WIPF3: variants seen among roughly 807,000 people sequenced by gnomAD.
The protein encoded by WIPF3 is WAS/WASL interacting protein family member 3.
In WIPF3, 33 loss-of-function variants were observed where a neutral mutation model predicts 38.9. The ratio of observed to expected loss-of-function variants is 0.85; its 90% CI spans 0.64 to 1.14. The LOEUF is 1.14. Ranked by LOEUF, WIPF3 falls within the 50% of genes most tolerant of loss-of-function variation. The pLI is 0.00. For missense variants in WIPF3, 711 were observed against 652.5 expected (o/e 1.09, Z -0.98); for synonymous variants, 324 against 269.3 (o/e 1.20, Z -1.99).
At chr7:29,875,742 A>C in intron 2 of WIPF3, 88 bp from the exon 3 acceptor site, 1 of 1,541,526 alleles carries the variant, frequency 6.5e-7, no homozygotes, top group Non-Finnish European at 8.9e-7. Flanking sequence ...GAAGACAGAG[A>C]ACTGCAAGAG....
chr7:29,889,429 C>T, intron 7 of WIPF3, 22 bp downstream of exon 7: 2 of 1,580,700 alleles, frequency 1.3e-6, no homozygotes, highest in Admixed American at 3.3e-5. Flanking sequence ...CTTGATAAGA[C>T]TCCTGGCATC....
chr7:29,841,324 GCTC>G (rs1384623585), intron 2 of WIPF3, among the ~76,000 whole-genome samples: 1 of 152,070 alleles, frequency 6.6e-6, no homozygotes, highest in Non-Finnish European at 1.5e-5. Context: ...ACCCCTTCTT[GCTC>G]CTCCTCATCT....
chr7:29,856,749 T>C (rs918312592), intron 2 of WIPF3, among the ~76,000 whole-genome samples: 1 of 152,204 alleles, frequency 6.6e-6, no homozygotes, highest in Non-Finnish European at 1.5e-5. Context: ...TGGCTCGTCA[T>C]TGAAAATGGG....
rs1333837038 is a variant in WIPF3 at position 29,889,404 on chromosome 7, A to G, written c.1348A>G (p.Arg450Gly). 1 of 1,613,228 alleles carries G rather than the reference A, an allele frequency of 6.2e-7. No individual in the cohort carries two copies. The highest frequency in any genetic ancestry group is 1.3e-5 in the African/African-American group (1 of 75,018). ...GAAGATTTACCCCAGCAAGATCCCCAGAAGTAAGTACCACCTTGATAAGAC... is the reference window on the plus strand; with the variant it reads ...GAAGATTTACCCCAGCAAGATCCCCGGAAGTAAGTACCACCTTGATAAGAC... The part of the protein sequence containing the change: ...CQKIYPSKIP[R>G]SRTPGPWLQA... Residue 450 changes from arginine (R) to glycine (G), a missense_variant, in exon 7 of 9, where the codon AGA becomes GGA. By Grantham distance (125) the Arg-to-Gly change is moderately radical (BLOSUM62 -2). Coordinates refer to ENST00000242140, the MANE Select transcript of WIPF3 (RefSeq NM_001080529.3).
intron 2 of WIPF3, among the ~76,000 whole-genome samples, chr7:29,836,485 A>C (rs983463153): frequency 2.0e-5 from 3 of 152,220 alleles, no homozygotes; most frequent in Non-Finnish European, 4.4e-5. Flanking sequence ...TATGTATCAT[A>C]GTTTTCCCCT....
chr7:29,829,234 A>G (rs1388774806), intron 1 of WIPF3, among the ~76,000 whole-genome samples: 3 of 123,900 alleles, frequency 2.4e-5, no homozygotes, highest in Non-Finnish European at 3.3e-5. Context: ...TTTTTTTGAG[A>G]CAGAGTCTTG....
chr7:29,810,132 G>A (rs1583586103), intron 1 of WIPF3, among the ~76,000 whole-genome samples: 2 of 152,290 alleles, frequency 1.3e-5, no homozygotes, highest in African/African-American at 4.8e-5. Flanking sequence ...CCGGGGCTAG[G>A]CTAAGAGCTT....
At chr7:29,876,695 C>T (rs1785604886) in intron 3 of WIPF3, among the ~76,000 whole-genome samples, 2 of 152,210 alleles carry the variant, frequency 1.3e-5, no homozygotes, top group Non-Finnish European at 2.9e-5. Flanking sequence ...GTGAAGGGCT[C>T]ACTTTGTAAA....
At chr7:29,872,325 G>A (rs1583612316) in intron 2 of WIPF3, among the ~76,000 whole-genome samples, 1 of 152,318 alleles carries the variant, frequency 6.6e-6, no homozygotes, top group East Asian at 1.9e-4. Flanking sequence ...AAATATTGCA[G>A]ATGAAGTGGA....
At chr7:29,824,082 A>G (rs1251136407) in intron 1 of WIPF3, among the ~76,000 whole-genome samples, 2 of 152,246 alleles carry the variant, frequency 1.3e-5, no homozygotes, top group African/African-American at 2.4e-5. Context: ...TATCCCAAAG[A>G]CATAGTCCCT....
chr7:29,868,028 A>C (rs1785422774), intron 2 of WIPF3, among the ~76,000 whole-genome samples: 1 of 152,240 alleles, frequency 6.6e-6, no homozygotes, highest in African/African-American at 2.4e-5. Flanking sequence ...TAGAAGCTAT[A>C]ATACTGGGCA....
chr7:29,839,528 C>T (rs1182613995), intron 2 of WIPF3, among the ~76,000 whole-genome samples: 1 of 152,172 alleles, frequency 6.6e-6, no homozygotes, highest in Non-Finnish European at 1.5e-5. Context: ...GCGCACAGAG[C>T]GTCACCCTGT....
chr7:29,829,946 C>T (rs1784690025), intron 1 of WIPF3, among the ~76,000 whole-genome samples: 1 of 152,208 alleles, frequency 6.6e-6, no homozygotes, highest in South Asian at 2.1e-4. Flanking sequence ...ATTTTAAATA[C>T]ACTTCAGAGC....
intron 2 of WIPF3, among the ~76,000 whole-genome samples, chr7:29,836,096 G>A (rs942226981): frequency 2.6e-5 from 4 of 152,202 alleles, no homozygotes; most frequent in Non-Finnish European, 5.9e-5. Flanking sequence ...TAGAAAGAAA[G>A]CACATAGTAT....
At chr7:29,832,162 G>A (rs571814641) in intron 1 of WIPF3, among the ~76,000 whole-genome samples, 1 of 152,258 alleles carries the variant, frequency 6.6e-6, no homozygotes, top group South Asian at 2.1e-4. Context: ...TTCTCGTTCT[G>A]TTAATACTTC....
At chr7:29,826,650 A>G (rs1419743196) in intron 1 of WIPF3, among the ~76,000 whole-genome samples, 1 of 152,152 alleles carries the variant, frequency 6.6e-6, no homozygotes. Context: ...TCTTAGTATT[A>G]CTTTCCATTA....
intron 2 of WIPF3, among the ~76,000 whole-genome samples, chr7:29,866,680 C>G (rs964696793): frequency 6.6e-6 from 1 of 152,268 alleles, no homozygotes; most frequent in South Asian, 2.1e-4. Context: ...CACTTAGCTC[C>G]TTTGGCCCCA....
At chr7:29,870,546 GC>G (rs1419829732) in intron 2 of WIPF3, among the ~76,000 whole-genome samples, 1 of 152,176 alleles carries the variant, frequency 6.6e-6, no homozygotes, top group Non-Finnish European at 1.5e-5. Context: ...AGATGTGACA[GC>G]TGCAGATAGT....
intron 2 of WIPF3, among the ~76,000 whole-genome samples, chr7:29,855,808 T>C (rs1267464402): frequency 7.2e-5 from 11 of 152,254 alleles, no homozygotes; most frequent in Admixed American, 7.2e-4. Flanking sequence ...CTACTGTCCC[T>C]TTATTATTTT....
Sources: allele counts gnomAD v4.1 joint callset (sites outside exome capture counted in the v4.1 genomes callset), GRCh38; gene constraint gnomAD v4.1.1; transcripts MANE v1.5; gene names NCBI Gene and HGNC (gene_info 2026-07-23, HGNC 2026-07-21).